The following DDX52 variants were observed in gnomAD, a reference collection of about 807,000 sequenced individuals.
The protein encoded by DDX52 is probable ATP-dependent RNA helicase DDX52.
A neutral mutation model predicts 76.1 loss-of-function variants in DDX52; 59 were observed. The observed-to-expected ratio is 0.78, with a 90% CI of 0.63 to 0.96. The LOEUF (loss-of-function observed/expected upper bound fraction) is 0.96. Ranked by LOEUF, DDX52 falls within the 40% of genes least tolerant of loss-of-function variation. The probability of loss-of-function intolerance (pLI) is 0.00; values close to 1 mark genes in which losing one functional copy is unlikely to be tolerated. For missense variants in DDX52, 707 were observed against 703.9 expected, an observed-to-expected ratio of 1.00 and a Z score of -0.05; for synonymous variants, 231 against 244.1, an observed-to-expected ratio of 0.95 and a Z score of 0.50.
chr17:37,640,258 C>A (rs766436250), intron 2 of DDX52, among the ~76,000 whole-genome samples: 6 of 152,174 alleles, frequency 3.9e-5, no homozygotes, highest in Non-Finnish European at 8.8e-5. Flanking sequence ...CACACAGGAA[C>A]TTGTTAAATC....
rs1001430178 is a variant in DDX52 at position 37,628,658 on chromosome 17, T to A, written c.762A>T (p.Leu254Phe). 10 of 1,600,808 alleles carry A rather than the reference T, an allele frequency of 6.2e-6. No individual in the cohort carries two copies. The African/African-American group carries it at 8.1e-5, about 13-fold the overall frequency. The change falls in exon 6 of 15, where the codon TTA becomes TTT. Residue 254 changes from leucine to phenylalanine, a missense_variant. Leu to Phe is a conservative substitution (Grantham distance 22). Transcript: ENST00000617633. ...RELASQIHRELIKISEGTGFR... is the reference protein window; with the variant it reads ...RELASQIHREFIKISEGTGFR... ...ATCCTGTTCCCTCAGAAATTTTTATTAACTCTCTGTGAATCTAAAAAAAAA... is the reference window on the plus strand; with the variant it reads ...ATCCTGTTCCCTCAGAAATTTTTATAAACTCTCTGTGAATCTAAAAAAAAA...
At chr17:37,621,310 G>C in intron 10 of DDX52, 33 bp from the exon 11 acceptor site, 2 of 1,593,474 alleles carry the variant, frequency 1.3e-6, no homozygotes, top group Non-Finnish European at 1.7e-6. Context: ...AATTGTTTTA[G>C]AATGAAAACA....
chr17:37,637,694 C>A (rs2030996863), intron 2 of DDX52, among the ~76,000 whole-genome samples: 1 of 151,958 alleles, frequency 6.6e-6, no homozygotes, highest in Non-Finnish European at 1.5e-5. Context: ...CCTGCCTCAG[C>A]CTCCCAGGTA....
chr17:37,629,234 C>T (rs1341848087), intron 5 of DDX52, among the ~76,000 whole-genome samples: 3 of 55,678 alleles, frequency 5.4e-5, no homozygotes, highest in African/African-American at 4.3e-4. Context: ...AAAATACACA[C>T]ACACACACAC....
At chr17:37,643,250 C>A (rs1397855814) in intron 1 of DDX52, 84 bp downstream of exon 1, 6 of 1,440,944 alleles carry the variant, frequency 4.2e-6, no homozygotes, top group South Asian at 1.2e-5. Flanking sequence ...TGTCCAAGTG[C>A]GCCGGCCTCC....
Position 37,618,355 on chromosome 17 carries a change from G to C in DDX52, c.1679C>G (p.Pro560Arg), listed in dbSNP as rs531928664. ...TGTACTAATGCTCTCCCTTTCCAAT[G>C]GTTTCTTAATCATCTTTTTCTTTTG... ...SKQKKKMIKK[P>R]LERESISTTP... The change falls in exon 14 of 15, where the codon CCA (proline) becomes CGA (arginine). Residue 560 changes from proline (P) to arginine (R), a missense_variant. Coordinates refer to ENST00000617633, the MANE Select transcript of DDX52 (RefSeq NM_007010.5). The C allele has an allele frequency of 8.8e-6, 14 of 1,589,682 alleles. No individual in the cohort carries two copies. The East Asian group carries it at 3.2e-4, about 37-fold the overall frequency.
chr17:37,629,761 A>G (rs1175359510), intron 5 of DDX52, among the ~76,000 whole-genome samples: 2 of 152,222 alleles, frequency 1.3e-5, no homozygotes, highest in African/African-American at 4.8e-5. Flanking sequence ...AAGCAGGGCT[A>G]TATTTAATTA....
chr17:37,635,754 T>C, intron 2 of DDX52: 3 of 372,084 alleles, frequency 8.1e-6, no homozygotes, highest in Non-Finnish European at 1.6e-5. Flanking sequence ...GGTAAATATA[T>C]GTTTAACTTA....
At chr17:37,615,034 C>CT (rs1282995985) in intron 14 of DDX52, 2 of 152,262 alleles carry the variant, frequency 1.3e-5, no homozygotes, top group African/African-American at 4.8e-5. Flanking sequence ...CCCCGACTCA[C>CT]TGCATGGGGC....
chr17:37,635,492 T>C, intron 2 of DDX52: 3 of 402,476 alleles, frequency 7.5e-6, no homozygotes, highest in Non-Finnish European at 1.5e-5. Flanking sequence ...TCTGGCTTCT[T>C]TCACTCAAGA....
chr17:37,642,187 T>A lies in DDX52; in HGVS notation c.209A>T (p.Asn70Ile). 1 of 1,614,184 alleles carries A rather than the reference T, an allele frequency of 6.2e-7. No homozygotes were observed. The highest frequency in any genetic ancestry group is 1.3e-5 in the African/African-American group (1 of 75,046). Residue 70 changes from asparagine to isoleucine, a missense_variant, in exon 2 of 15, where the codon AAT becomes ATT. Asn to Ile is a moderately radical substitution (Grantham distance 149). Coordinates refer to ENST00000617633, the MANE Select transcript of DDX52 (RefSeq NM_007010.5). The part of the protein sequence containing the change: ...GASQTHQKPQ[N>I]GEKKEESLTE... ...TAGGCTCTCTTCTTTTTTCTCTCCA[T>A]TTTGGGGCTTCTGATGTGTTTGTGA...
intron 9 of DDX52, among the ~76,000 whole-genome samples, chr17:37,622,531 T>G (rs1336652900): frequency 1.3e-5 from 2 of 152,040 alleles, no homozygotes; most frequent in Non-Finnish European, 2.9e-5. Context: ...GCTGACCTGA[T>G]GATCCGCCCG....
chr17:37,615,645 A>C, intron 14 of DDX52, among the ~76,000 whole-genome samples: 1 of 152,168 alleles, frequency 6.6e-6, no homozygotes, highest in East Asian at 1.9e-4. Context: ...GTGCCACTGC[A>C]CTCCAGTCTG....
chr17:37,632,993 C>T (rs1245256981), intron 3 of DDX52, among the ~76,000 whole-genome samples: 4 of 152,106 alleles, frequency 2.6e-5, no homozygotes, highest in African/African-American at 9.7e-5. Context: ...GTTTGTTTAT[C>T]GAAAGCAGTT....
In DDX52 at chr17:37,630,001, G is replaced by A. The variant is rs375793465; in HGVS notation, c.747+29C>T. 9.3e-5 allele frequency: 147 copies of A among 1,582,280 alleles called. No homozygotes were observed. The African/African-American group carries it at 1.8e-3, about 20-fold the overall frequency. On this transcript the variant is annotated intron_variant, in intron 5 of 14. Coordinates refer to ENST00000617633, the MANE Select transcript of DDX52 (RefSeq NM_007010.5). Reference sequence around the variant, plus strand: ...AAGATCACTGAAGTAAAAACCAATCGCATACTCTTCAAAAGCTACAAGTCA... The same window carrying A: ...AAGATCACTGAAGTAAAAACCAATCACATACTCTTCAAAAGCTACAAGTCA...
intron 8 of DDX52, among the ~76,000 whole-genome samples, chr17:37,625,141 G>A (rs1227482680): frequency 1.3e-5 from 2 of 152,016 alleles, no homozygotes; most frequent in Non-Finnish European, 2.9e-5. Flanking sequence ...AAGTAGCTGG[G>A]ATTACAGGCA....
Position 37,631,938 on chromosome 17 carries a change from G to A in DDX52, c.603+175C>T, listed in dbSNP as rs1009140428. The A allele has an allele frequency of 4.1e-6, 3 of 732,624 alleles. No individual in the cohort carries two copies. The African/African-American group carries it at 5.3e-5, about 13-fold the overall frequency. The allele number at this position is 732,624 out of a possible 1,614,324, so 45.4% of individuals were successfully genotyped here. A position where few individuals can be genotyped will look rare whatever the true frequency, so the allele number is the denominator to read the frequency against. On this transcript the variant is annotated intron_variant, in intron 4 of 14. Coordinates refer to ENST00000617633, the MANE Select transcript of DDX52 (RefSeq NM_007010.5). ...AAAAGGAAGAAGATCACATCTAGATGGAGTGATCAAGACAACTTTTATGGA... is the reference window on the plus strand; with the variant it reads ...AAAAGGAAGAAGATCACATCTAGATAGAGTGATCAAGACAACTTTTATGGA...
At chr17:37,638,843 C>T (rs1568611008) in intron 2 of DDX52, among the ~76,000 whole-genome samples, 1 of 148,460 alleles carries the variant, frequency 6.7e-6, no homozygotes, top group Non-Finnish European at 1.5e-5. Context: ...GATCTCAGCT[C>T]ACTGCAACCT....
chr17:37,638,239 A>G (rs2031021645), intron 2 of DDX52, among the ~76,000 whole-genome samples: 1 of 152,212 alleles, frequency 6.6e-6, no homozygotes, highest in South Asian at 2.1e-4. Flanking sequence ...TCTGCTTATT[A>G]TGAGAGTGTC....
Sources: allele counts gnomAD v4.1 joint callset (sites outside exome capture counted in the v4.1 genomes callset), GRCh38; gene constraint gnomAD v4.1.1; transcripts MANE v1.5; gene names NCBI Gene and HGNC (gene_info 2026-07-23, HGNC 2026-07-21).